The following TLR1 variants were observed in gnomAD, a reference collection of about 807,000 sequenced individuals.
TLR1 encodes the protein toll-like receptor 1.
In TLR1, 19 loss-of-function variants were observed where a neutral mutation model predicts 20.2. That is an observed-to-expected ratio of 0.94 (90% confidence interval 0.66 to 1.38). The LOEUF (loss-of-function observed/expected upper bound fraction) is 1.38. Ranked by LOEUF, TLR1 falls within the 40% of genes most tolerant of loss-of-function variation. The pLI, the probability that TLR1 is intolerant of heterozygous loss-of-function variation, is 0.00. For synonymous variants in TLR1, 320 were observed against 334.5 expected (o/e 0.96, Z 0.47); for missense variants, 921 against 910.0 (o/e 1.01, Z -0.16).
At chr4:38,788,161 G>A (rs977683614), downstream of TLR1, among the ~76,000 whole-genome samples, 3 of 152,070 alleles carry the variant, frequency 2.0e-5, no homozygotes, top group Non-Finnish European at 4.4e-5. Context: ...GAAGAGAAAA[G>A]CACTGGGAGG....
downstream of TLR1, among the ~76,000 whole-genome samples, chr4:38,795,237 C>T (rs140912851): frequency 6.7e-3 from 1,025 of 152,298 alleles, 12 homozygotes; most frequent in African/African-American, 0.024. Flanking sequence ...CAGGCTTCTA[C>T]AAGCATCCCA....
chr4:38,804,459 A>G (rs1186961864), intron 1 of TLR1, 77 bp from the exon 2 acceptor site: 1 of 152,252 alleles, frequency 6.6e-6, no homozygotes, highest in African/African-American at 2.4e-5. Flanking sequence ...CTGCTCTGGA[A>G]GAAAACCAGA....
At position 38,798,708 on chromosome 4, in the gene TLR1, C is replaced by A. The variant is rs1174815511; in HGVS notation, c.124G>T (p.Asp42Tyr). The A allele has an allele frequency of 6.2e-7, 1 of 1,613,726 alleles. No homozygotes were observed. The change falls in exon 4 of 4, where the codon GAC (aspartate) becomes TAC (tyrosine). Residue 42 changes from aspartate (D) to tyrosine (Y), a missense_variant. Physicochemically the swap from Asp to Tyr is radical, Grantham distance 160. Coordinates refer to ENST00000308979, the MANE Select transcript of TLR1 (RefSeq NM_003263.4). ...AAGATTGTTGTTTTCTGGGATAGGTCTTTAGGAACGTGGATGAGACCGTTT... is the reference window on the plus strand; with the variant it reads ...AAGATTGTTGTTTTCTGGGATAGGTATTTAGGAACGTGGATGAGACCGTTT... ...SKNGLIHVPK[D>Y]LSQKTTILNI... is the part of the protein sequence containing the mutation.
chr4:38,796,419 T>A lies in TLR1; in HGVS notation c.*52A>T, dbSNP rs1726057848. 1.9e-6 allele frequency: 3 copies of A among 1,565,730 alleles called. No homozygotes were observed. In the Admixed American group the frequency reaches 5.4e-5, roughly 28 times the overall value. On this transcript the variant is annotated 3_prime_UTR_variant, in exon 4 of 4. Transcript: ENST00000308979. Reference sequence around the variant, plus strand: ...TGCAAAATAAAGTCATTGTTGGAACTTCCAAAAGCAGCAATATCAACAGGA... The same window carrying A: ...TGCAAAATAAAGTCATTGTTGGAACATCCAAAAGCAGCAATATCAACAGGA...
rs763270376 is a variant in TLR1, at chr4:38,798,713, G to A, written c.119C>T (p.Pro40Leu). 2 of 1,613,810 alleles carry A rather than the reference G, an allele frequency of 1.2e-6. No individual in the cohort carries two copies. Among genetic ancestry groups the A allele is most frequent in the South Asian group, 2.2e-5 (2 of 91,032 alleles). ...TGTTGTTTTCTGGGATAGGTCTTTAGGAACGTGGATGAGACCGTTTTTTGA... is the reference window on the plus strand; with the variant it reads ...TGTTGTTTTCTGGGATAGGTCTTTAAGAACGTGGATGAGACCGTTTTTTGA... ...DRSKNGLIHVPKDLSQKTTIL... is the reference protein window; with the variant it reads ...DRSKNGLIHVLKDLSQKTTIL... The change falls in exon 4 of 4, where the codon CCT (proline) becomes CTT (leucine). Residue 40 changes from proline (P) to leucine (L), a missense_variant. Coordinates refer to ENST00000308979, the MANE Select transcript of TLR1 (RefSeq NM_003263.4).
rs1726114916 is a variant in TLR1 at position 38,796,852 on chromosome 4, C to T, written c.1980G>A (p.Glu660=). The T allele has an allele frequency of 6.2e-7, 1 of 1,614,106 alleles. No individual in the cohort carries two copies. Among genetic ancestry groups the T allele is most frequent in the Admixed American group, 1.7e-5 (1 of 60,006 alleles). The part of the protein sequence containing the change: ...WVKNELLPNL[E]KEGMQICLHE... ...GAAGGCAAATCTGCATACCTTCTTT[C>T]TCTAGGTTTGGCAATAATTCATTCT... Residue 660 remains glutamate, a synonymous_variant, in exon 4 of 4, where the codon GAG becomes GAA. Transcript: ENST00000308979.
chr4:38,796,685 T>C lies in TLR1; in HGVS notation c.2147A>G (p.His716Arg), dbSNP rs747598922. ...WCHYELYFAH[H>R]NLFHEGSNSL... Reference sequence around the variant, plus strand: ...ATTAGATCCTTCATGAAAGAGATTGTGATGGGCAAAGTAGAGTTCATAATG... The same window carrying C: ...ATTAGATCCTTCATGAAAGAGATTGCGATGGGCAAAGTAGAGTTCATAATG... Residue 716 changes from histidine to arginine, a missense_variant, in exon 4 of 4, where the codon CAC becomes CGC. Transcript: ENST00000308979. 2.0e-5 allele frequency: 33 copies of C among 1,614,076 alleles called. No homozygotes were observed. In the Admixed American group the frequency reaches 3.0e-4, roughly 15 times the overall value.
downstream of TLR1, among the ~76,000 whole-genome samples, chr4:38,787,951 C>T (rs1725639098): frequency 6.6e-6 from 1 of 152,222 alleles, no homozygotes; most frequent in African/African-American, 2.4e-5. Flanking sequence ...CTCCCGCTCC[C>T]ACTTCCCCTC....
At position 38,796,627 on chromosome 4, in the gene TLR1, C is replaced by G. The variant is rs145159325; in HGVS notation, c.2205G>C (p.Pro735=). Residue 735 remains proline (P), a synonymous_variant, in exon 4 of 4, where the codon CCG becomes CCC. Transcript: ENST00000308979. The part of the protein sequence containing the change: ...SLILILLEPI[P]QYSIPSSYHK... ...GATAACTGCTAGGAATGGAGTACTG[C>G]GGAATGGGTTCCAGCAAGATCAGGA... 6.2e-7 allele frequency: 1 copy of G among 1,614,132 alleles called. No homozygotes were observed. The highest frequency in any genetic ancestry group is 1.1e-5 in the South Asian group (1 of 91,080).
At chr4:38,799,030 A>G (rs111652016) in intron 3 of TLR1, 132 bp from the exon 4 acceptor site, 1 of 491,520 alleles carries the variant, frequency 2.0e-6, no homozygotes, top group Non-Finnish European at 3.6e-6. Context: ...TTTGGGTTAC[A>G]TGGCCTAAAA....
chr4:38,804,273 G>A (rs1164900082), intron 2 of TLR1, 33 bp downstream of exon 2: 2 of 152,236 alleles, frequency 1.3e-5, no homozygotes, highest in Non-Finnish European at 2.9e-5. Flanking sequence ...ACTAGCTAGT[G>A]GGAAGGCCCC....
downstream of TLR1, among the ~76,000 whole-genome samples, chr4:38,788,584 G>A (rs79332989): frequency 0.036 from 5,482 of 152,140 alleles, 349 homozygotes; most frequent in African/African-American, 0.12. Context: ...ATTTCAATAC[G>A]TCCAGGGCTC....
In TLR1 at chr4:38,796,834, A is replaced by C. The variant is rs767620465; in HGVS notation, c.1998T>G (p.Ile666Met). The change falls in exon 4 of 4, where the codon ATT becomes ATG. Residue 666 changes from isoleucine (I) to methionine (M), a missense_variant. Ile to Met is a conservative substitution (Grantham distance 10). Coordinates refer to ENST00000308979, the MANE Select transcript of TLR1 (RefSeq NM_003263.4). ...LPNLEKEGMQ[I>M]CLHERNFVPG... ...GAACAAAGTTTCTCTCATGAAGGCA[A>C]ATCTGCATACCTTCTTTCTCTAGGT... 2.4e-5 allele frequency: 39 copies of C among 1,614,132 alleles called. No individual in the cohort carries two copies. The highest frequency in any genetic ancestry group is 3.1e-5 in the Non-Finnish European group (36 of 1,180,060).
In TLR1 at chr4:38,798,266, G is replaced by A. The variant is rs767748569; in HGVS notation, c.566C>T (p.Thr189Ile). The change falls in exon 4 of 4, where the codon ACT becomes ATT. Residue 189 changes from threonine to isoleucine, a missense_variant. Physicochemically the swap from Thr to Ile is moderately conservative, Grantham distance 89. Coordinates refer to ENST00000308979, the MANE Select transcript of TLR1 (RefSeq NM_003263.4). ...EDPEGLQDFN[T>I]ESLHIVFPTN... ...GGGGAACACAATGTGCAGACTCTCA[G>A]TGTTAAAGTCTTGAAGGCCCTCAGG... is the stretch of plus-strand genomic sequence containing the variant. 3.1e-6 allele frequency: 5 copies of A among 1,612,250 alleles called. No homozygotes were observed. The highest frequency in any genetic ancestry group is 4.5e-5 in the East Asian group (2 of 44,826).
intron 1 of TLR1, among the ~76,000 whole-genome samples, 181 bp downstream of exon 1, chr4:38,804,573 A>G (rs1352695317): frequency 6.6e-6 from 1 of 152,158 alleles, no homozygotes; most frequent in Non-Finnish European, 1.5e-5. Flanking sequence ...ACTTTCTCTG[A>G]TTTAGGACTC....
At chr4:38,793,184 T>C (rs1449916289), downstream of TLR1, among the ~76,000 whole-genome samples, 1 of 152,078 alleles carries the variant, frequency 6.6e-6, no homozygotes, top group Non-Finnish European at 1.5e-5. Flanking sequence ...CCCTCTGACC[T>C]AGGTCCTAGG....
Position 38,797,894 on chromosome 4 carries a change from C to T in TLR1, c.938G>A (p.Gly313Asp). 6.2e-7 allele frequency: 1 copy of T among 1,613,994 alleles called. No homozygotes were observed. Among genetic ancestry groups the T allele is most frequent in the South Asian group, 1.1e-5 (1 of 91,078 alleles). ...TTCATAGATATAACTTTGCGGAAAA[C>T]CGAACACATCGCTGACAACTTGGTG... ...SIHQVVSDVF[G>D]FPQSYIYEIF... is the part of the protein sequence containing the mutation. Residue 313 changes from glycine (G) to aspartate (D), a missense_variant, in exon 4 of 4, where the codon GGT becomes GAT. Transcript: ENST00000308979.
chr4:38,792,873 A>ATATATATATATATATATATATATC (rs1725802760), downstream of TLR1, among the ~76,000 whole-genome samples: 1 of 147,764 alleles, frequency 6.8e-6, no homozygotes, highest in African/African-American at 2.5e-5. Flanking sequence ...ATATATATAT[A>ATATATATATATATATATATATATC]TATCTCCAAA....
chr4:38,795,435 G>C (rs1725978332), downstream of TLR1, among the ~76,000 whole-genome samples: 1 of 152,198 alleles, frequency 6.6e-6, no homozygotes, highest in South Asian at 2.1e-4. Flanking sequence ...ATCTGCTCAT[G>C]CTCTACTTTA....
Sources: gnomAD v4.1 joint callset for allele counts (sites outside exome capture counted in the v4.1 genomes callset) on GRCh38, gnomAD v4.1.1 for gene constraint, MANE v1.5 for transcripts, NCBI Gene and HGNC (gene_info 2026-07-23, HGNC 2026-07-21) for gene names.